GAB2: variants seen among roughly 807,000 people sequenced by gnomAD.
GAB2 encodes GRB2 associated binding protein 2.
In GAB2, 26 loss-of-function variants were observed where a neutral mutation model predicts 65.5. The observed-to-expected ratio is 0.40, with a 90% CI of 0.29 to 0.55. The LOEUF (loss-of-function observed/expected upper bound fraction) is 0.55. GAB2 is among the 20% of genes least tolerant of loss of function. GAB2 has a pLI of 0.53. For missense variants in GAB2, 884 were observed against 875.8 expected, an observed-to-expected ratio of 1.01 and a Z score of -0.12; for synonymous variants, 321 against 329.6, an observed-to-expected ratio of 0.97 and a Z score of 0.28.
chr11:78,246,459 G>C (rs115991995), intron 3 of GAB2, among the ~76,000 whole-genome samples: 1,708 of 152,192 alleles, frequency 0.011, 30 homozygotes, highest in African/African-American at 0.032. Context: ...ATGTTGTGTA[G>C]ATGCTGGGTT....
At chr11:78,373,902 C>G (rs566542737) in intron 1 of GAB2, among the ~76,000 whole-genome samples, 2 of 152,282 alleles carry the variant, frequency 1.3e-5, no homozygotes, top group African/African-American at 4.8e-5. Flanking sequence ...TTTGCTGCTC[C>G]AGGCTAGCAC....
At chr11:78,320,392 T>C (rs1228512128) in intron 1 of GAB2, among the ~76,000 whole-genome samples, 5 of 152,040 alleles carry the variant, frequency 3.3e-5, no homozygotes, top group Non-Finnish European at 7.4e-5. Context: ...GAAAATATGG[T>C]GCACCATGAG....
At chr11:78,318,832 G>A (rs375426866) in intron 1 of GAB2, among the ~76,000 whole-genome samples, 11 of 152,226 alleles carry the variant, frequency 7.2e-5, no homozygotes, top group East Asian at 5.8e-4. Context: ...AGAAATAATC[G>A]GAGGCAGCAC....
At position 78,257,480 on chromosome 11, in the gene GAB2, A is replaced by G. The variant is rs987717955; in HGVS notation, c.377-7080T>C. On this transcript the variant is annotated intron_variant, in intron 2 of 9. Transcript: ENST00000361507. ...AGCCTTTTTAATTCTCACTTGTTCA[A>G]TAGGGCTAAGTACTTTGTAGGACTG... Among the ~76,000 whole-genome samples, 5 of 152,342 alleles carry G rather than the reference A, an allele frequency of 3.3e-5. No individual in the cohort carries two copies. The South Asian group carries it at 6.2e-4, about 19-fold the overall frequency.
chr11:78,239,501 G>A (rs751955688), intron 3 of GAB2, among the ~76,000 whole-genome samples: 1 of 152,174 alleles, frequency 6.6e-6, no homozygotes, highest in Non-Finnish European at 1.5e-5. Flanking sequence ...TTACAGGCGT[G>A]AGCCACCACA....
chr11:78,352,209 G>A lies in GAB2; in HGVS notation c.75+65437C>T, dbSNP rs775776038. ...GCCTGGGCAACAGGACTGAGACTCC[G>A]TCTCAAACAAACAAACAAAAACACA... is the stretch of plus-strand genomic sequence containing the variant. On this transcript the variant is annotated intron_variant, in intron 1 of 9. Coordinates refer to ENST00000361507, the MANE Select transcript of GAB2 (RefSeq NM_080491.3). Among the ~76,000 whole-genome samples the A allele has an allele frequency of 9.9e-5, 15 of 152,262 alleles. No homozygotes were observed. The East Asian group carries it at 1.4e-3, about 14-fold the overall frequency.
intron 1 of GAB2, among the ~76,000 whole-genome samples, chr11:78,344,708 G>GA (rs1007915003): frequency 3.3e-5 from 5 of 151,322 alleles, no homozygotes; most frequent in East Asian, 1.9e-4. Context: ...ACTTCTAAGA[G>GA]AAAAAAAAAT....
chr11:78,224,490 G>A (rs1864563056), intron 5 of GAB2, among the ~76,000 whole-genome samples: 1 of 152,188 alleles, frequency 6.6e-6, no homozygotes, highest in Non-Finnish European at 1.5e-5. Flanking sequence ...GCTGCAGTCA[G>A]AGCTTCTACA....
At chr11:78,385,517 AAC>A (rs1591079768) in intron 1 of GAB2, among the ~76,000 whole-genome samples, 2 of 152,212 alleles carry the variant, frequency 1.3e-5, no homozygotes, top group East Asian at 3.9e-4. Flanking sequence ...CAAATCTACA[AAC>A]ACACCAAAGA....
At chr11:78,358,332 T>C (rs1856388138) in intron 1 of GAB2, among the ~76,000 whole-genome samples, 1 of 147,854 alleles carries the variant, frequency 6.8e-6, no homozygotes, top group Admixed American at 6.8e-5. Flanking sequence ...CATTAGGAGA[T>C]ATACCTAATG....
At chr11:78,350,069 TTTCA>T (rs1298125061) in intron 1 of GAB2, among the ~76,000 whole-genome samples, 2 of 152,180 alleles carry the variant, frequency 1.3e-5, no homozygotes, top group African/African-American at 4.8e-5. Flanking sequence ...TTGTCTATAT[TTTCA>T]TTCATCACAT....
At chr11:78,393,922 G>GGA (rs1856863465) in intron 1 of GAB2, among the ~76,000 whole-genome samples, 1 of 152,212 alleles carries the variant, frequency 6.6e-6, no homozygotes, top group South Asian at 2.1e-4. Flanking sequence ...AAGACAGAGA[G>GGA]GAGGTGAGTT....
chr11:78,351,909 T>A (rs929914522), intron 1 of GAB2, among the ~76,000 whole-genome samples: 2 of 151,994 alleles, frequency 1.3e-5, no homozygotes, highest in African/African-American at 4.8e-5. Flanking sequence ...AAGAGCCAAT[T>A]CTAAAAAGAA....
intron 1 of GAB2, among the ~76,000 whole-genome samples, chr11:78,366,326 T>A (rs990695165): frequency 2.3e-4 from 35 of 152,060 alleles, no homozygotes; most frequent in African/African-American, 8.0e-4. Flanking sequence ...ACGCCTGTAA[T>A]CCCAGCACTT....
chr11:78,258,577 T>C (rs1865654952), intron 2 of GAB2, among the ~76,000 whole-genome samples: 1 of 150,418 alleles, frequency 6.6e-6, no homozygotes, highest in African/African-American at 2.5e-5. Flanking sequence ...AGTTGAATTA[T>C]AATTTTTTTT....
chr11:78,412,724 A>G (rs1857144830), intron 1 of GAB2, among the ~76,000 whole-genome samples: 2 of 152,214 alleles, frequency 1.3e-5, no homozygotes, highest in Non-Finnish European at 2.9e-5. Context: ...CTCAAAATGA[A>G]ATGTTTAATT....
At chr11:78,298,610 C>G (rs1866906110) in intron 1 of GAB2, among the ~76,000 whole-genome samples, 1 of 152,168 alleles carries the variant, frequency 6.6e-6, no homozygotes, top group South Asian at 2.1e-4. Context: ...AATTACCTCT[C>G]CCATTGACAA....
chr11:78,412,854 A>G (rs72933729), intron 1 of GAB2, among the ~76,000 whole-genome samples: 1 of 152,332 alleles, frequency 6.6e-6, no homozygotes, highest in Non-Finnish European at 1.5e-5. Context: ...GCCTGGTACA[A>G]AGTAAGTGCT....
At chr11:78,352,463 A>C (rs548560131) in intron 1 of GAB2, among the ~76,000 whole-genome samples, 169 of 152,352 alleles carry the variant, frequency 1.1e-3, no homozygotes, top group Non-Finnish European at 2.1e-3. Flanking sequence ...AGTTGAAAGC[A>C]TGTGATAAGC....
Sources: gnomAD v4.1 joint callset for allele counts (sites outside exome capture counted in the v4.1 genomes callset) on GRCh38, gnomAD v4.1.1 for gene constraint, MANE v1.5 for transcripts, NCBI Gene and HGNC (gene_info 2026-07-23, HGNC 2026-07-21) for gene names.